Variants in POLR2F observed in about 807,000 individuals in gnomAD.
POLR2F encodes RNA polymerase II, I and III subunit F.
A neutral mutation model predicts 22.7 loss-of-function variants in POLR2F; 12 were observed. The observed-to-expected ratio is 0.53, with a 90% CI of 0.34 to 0.86. The LOEUF is 0.86. Ranked by LOEUF, POLR2F falls within the 40% of genes least tolerant of loss-of-function variation. The pLI, the probability that POLR2F is intolerant of heterozygous loss-of-function variation, is 0.02. For missense variants in POLR2F, 126 were observed against 171.5 expected, an observed-to-expected ratio of 0.73 and a Z score of 1.48; for synonymous variants, 57 against 66.0, an observed-to-expected ratio of 0.86 and a Z score of 0.66.
rs367924919 is a variant in POLR2F, at chr22:38,015,019, G to A, written c.121-10850G>A. Among the ~76,000 whole-genome samples the A allele has an allele frequency of 4.6e-5, 7 of 151,700 alleles. No individual in the cohort carries two copies. In the South Asian group the frequency reaches 1.5e-3, roughly 32 times the overall value. On this transcript the variant is annotated intron_variant, in intron 1 of 2. Transcript: ENST00000333418. ...GACGAGGTTTCACCATGTTGATCAG[G>A]CTGGTCTCAAACTCCTGACCTTGAG...
chr22:37,987,188 C>G (rs899816061), intron 1 of POLR2F: 1 of 456,590 alleles, frequency 2.2e-6, no homozygotes, highest in East Asian at 6.9e-5. Context: ...GGTCTGCGGT[C>G]TGAGTGTAAT....
intron 5 of POLR2F, chr22:38,040,790 T>G: frequency 2.1e-6 from 1 of 484,000 alleles, no homozygotes; most frequent in Non-Finnish European, 3.7e-6. Flanking sequence ...GGTGGGCATG[T>G]TGTGATGGTG....
At chr22:38,015,814 A>T in intron 1 of POLR2F, among the ~76,000 whole-genome samples, 1 of 152,122 alleles carries the variant, frequency 6.6e-6, no homozygotes, top group Admixed American at 6.6e-5. Flanking sequence ...TTGTTTGTTT[A>T]CTTAACTTCC....
intron 1 of POLR2F, chr22:37,987,495 T>C: frequency 2.8e-6 from 1 of 355,862 alleles, no homozygotes; most frequent in Non-Finnish European, 5.5e-6. Context: ...CCCCACTGGG[T>C]CCCTGGTCCC....
chr22:37,955,390 T>C (rs1281420831), intron 1 of POLR2F, among the ~76,000 whole-genome samples: 1 of 151,690 alleles, frequency 6.6e-6, no homozygotes. Context: ...AATACAAAAA[T>C]TAGCTGGGCA....
rs2084726153 is a variant in POLR2F at position 37,997,470 on chromosome 22, TTC to T, written c.120+11164_120+11165del. On this transcript the variant is annotated intron_variant, in intron 1 of 2. Coordinates refer to the POLR2F transcript ENST00000333418. This position sits in a 1 kb window ranked among gnomAD's most constrained non-coding sequence, Gnocchi z 4.4. ...TCCCTGTTTTTCTCTCCCTGATGCG[TTC>T]TCTCTGTCCCTCCCTCCATGAATTT... Among the ~76,000 whole-genome samples, 1 of 152,062 alleles carries T rather than the reference TTC, an allele frequency of 6.6e-6. No individual in the cohort carries two copies. The highest frequency in any genetic ancestry group is 2.1e-4 in the South Asian group (1 of 4,812).
downstream of POLR2F, among the ~76,000 whole-genome samples, chr22:38,031,078 C>T (rs572451366): frequency 4.6e-5 from 7 of 152,148 alleles, no homozygotes; most frequent in East Asian, 1.9e-4. This position sits in a 1 kb window ranked among gnomAD's most constrained non-coding sequence, Gnocchi z 4.1. Flanking sequence ...TGGCAAGTGT[C>T]GGTGTCGCCC....
intron 1 of POLR2F, among the ~76,000 whole-genome samples, chr22:38,007,867 A>G (rs2084836261): frequency 6.6e-6 from 1 of 152,216 alleles, no homozygotes; most frequent in Non-Finnish European, 1.5e-5. Context: ...GCGAGTGAGT[A>G]TAGACGCTGT....
Position 37,968,447 on chromosome 22 carries a change from T to C in POLR2F, c.*732T>C. On this transcript the variant is annotated 3_prime_UTR_variant, in exon 5 of 5. Transcript: ENST00000442738. Reference sequence around the variant, plus strand: ...TAGCCTCTATAAGATATCCTTTCCCTCCTATTTGGGGCTGGTGATCCCCTG... The same window carrying C: ...TAGCCTCTATAAGATATCCTTTCCCCCCTATTTGGGGCTGGTGATCCCCTG... 1 of 985,872 alleles carries C rather than the reference T, an allele frequency of 1.0e-6. No homozygotes were observed. The highest frequency in any genetic ancestry group is 1.2e-6 in the Non-Finnish European group (1 of 830,214). The allele number at this position is 985,872 out of a possible 1,614,324, so 61.1% of individuals were successfully genotyped here.
At chr22:38,040,987 GTTC>G in intron 5 of POLR2F, 1 of 1,603,540 alleles carries the variant, frequency 6.2e-7, no homozygotes, top group South Asian at 1.1e-5. Flanking sequence ...AAAGGCTGAA[GTTC>G]TTCATGTATT....
intron 1 of POLR2F, among the ~76,000 whole-genome samples, chr22:37,955,213 T>TG (rs977102840): frequency 6.6e-5 from 10 of 151,150 alleles, no homozygotes; most frequent in African/African-American, 2.2e-4. Flanking sequence ...GTTTTTTTTT[T>TG]TTTTTTTTTA....
intron 5 of POLR2F, among the ~76,000 whole-genome samples, chr22:38,036,632 A>G (rs1324154406): frequency 6.6e-6 from 1 of 151,432 alleles, no homozygotes; most frequent in Non-Finnish European, 1.5e-5. Flanking sequence ...AGACGGGGTA[A>G]GGAGGGCTGC....
chr22:38,026,303 A>G (rs746017991), exon 3 of POLR2F: 12 of 532,550 alleles, frequency 2.3e-5, no homozygotes, highest in South Asian at 1.7e-4. Context: ...CCAAGCATGG[A>G]CAAGTGAGAA....
rs187621503 is a variant in POLR2F, at chr22:38,017,624, C to G, written c.121-8245C>G. ...AGAGCACCTGAATGGGTCATGCAGT[C>G]CCGTCAGCATCTCAGGGCTGGAGGG... is the stretch of plus-strand genomic sequence containing the variant. On this transcript the variant is annotated intron_variant, in intron 1 of 2. Transcript: ENST00000333418. The surrounding 1 kb of genome is among the most constrained non-coding windows in gnomAD (Gnocchi z 4.1). 5.3e-5 allele frequency among the ~76,000 whole-genome samples: 8 copies of G among 152,260 alleles called. No homozygotes were observed. The East Asian group carries it at 1.5e-3, about 29-fold the overall frequency.
chr22:37,981,943 G>A (rs893054034), upstream of POLR2F, among the ~76,000 whole-genome samples: 6 of 152,240 alleles, frequency 3.9e-5, no homozygotes, highest in African/African-American at 1.4e-4. Flanking sequence ...GAACAGGCCA[G>A]GGGGCGGGAT....
In POLR2F at chr22:37,980,348, C is replaced by T. The variant is rs537873263; in HGVS notation, c.293+13178C>T. ...ACATGGGACACAGAGCTCACTCTTTCACCTATCCTTCCCTTGCCCCCTGCC... is the reference window on the plus strand; with the variant it reads ...ACATGGGACACAGAGCTCACTCTTTTACCTATCCTTCCCTTGCCCCCTGCC... On this transcript the variant is annotated intron_variant, in intron 4 of 4. Coordinates refer to the POLR2F transcript ENST00000405557. The surrounding 1 kb of genome is among the most constrained non-coding windows in gnomAD (Gnocchi z 4.1). 4.6e-5 allele frequency among the ~76,000 whole-genome samples: 7 copies of T among 152,266 alleles called. No individual in the cohort carries two copies. Among genetic ancestry groups the T allele is most frequent in the Admixed American group, 1.3e-4 (2 of 15,302 alleles).
At chr22:38,008,908 A>G (rs926216090) in intron 1 of POLR2F, among the ~76,000 whole-genome samples, 2 of 152,138 alleles carry the variant, frequency 1.3e-5, no homozygotes, top group African/African-American at 4.8e-5. Flanking sequence ...TTAATTTTAC[A>G]TAGTATGATA....
rs556301503 is a variant in POLR2F, at chr22:38,007,233, C to T, written c.121-18636C>T. ...GTCTCCGGCAGGCCCCCAGCCCCTT[C>T]TTCACTAGGTCTCCTGATAGCAGCC... On this transcript the variant is annotated intron_variant, in intron 1 of 2. Transcript: ENST00000333418. 2.2e-4 allele frequency among the ~76,000 whole-genome samples: 34 copies of T among 152,328 alleles called. No individual in the cohort carries two copies. In the Middle Eastern group the frequency reaches 0.014, roughly 61 times the overall value.
chr22:37,959,348 A>G lies in POLR2F; in HGVS notation c.93A>G (p.Glu31=). The G allele has an allele frequency of 5.0e-6, 8 of 1,613,266 alleles. No homozygotes were observed. Among genetic ancestry groups the G allele is most frequent in the Non-Finnish European group, 6.8e-6 (8 of 1,179,708 alleles). ...GLDDLENAEE[E]GQENVEILPS... ...CTCTTTTTTGTCTTGGTGTCCAGGA[A>G]GGCCAGGAGAATGTCGAGATCCTCC... The change falls in exon 3 of 5, where the codon GAA becomes GAG. Residue 31 remains glutamate, a splice_region_variant and synonymous_variant. Coordinates refer to ENST00000442738, the MANE Select transcript of POLR2F (RefSeq NM_021974.5).
Sources: allele counts gnomAD v4.1 joint callset (sites outside exome capture counted in the v4.1 genomes callset), GRCh38; gene constraint gnomAD v4.1.1; non-coding constraint Gnocchi (gnomAD v3.1); transcripts MANE v1.5; gene names NCBI Gene and HGNC (gene_info 2026-07-23, HGNC 2026-07-21).